ENOX1: variants seen among roughly 807,000 people sequenced by gnomAD.
ENOX1 encodes candidate growth-related and time keeping constitutive hydroquinone (NADH) oxidase.
Under a neutral mutation model 82.5 loss-of-function variants are expected in ENOX1, and 42 were observed. The ratio of observed to expected loss-of-function variants is 0.51; its 90% CI spans 0.40 to 0.66. The LOEUF is 0.66. Ranked by LOEUF, ENOX1 falls within the 30% of genes least tolerant of loss-of-function variation. The pLI, the probability that ENOX1 is intolerant of heterozygous loss-of-function variation, is 0.00. For missense variants in ENOX1, 608 were observed against 811.6 expected, an observed-to-expected ratio of 0.75 and a Z score of 3.05; for synonymous variants, 271 against 282.2, an observed-to-expected ratio of 0.96 and a Z score of 0.40.
intron 12 of ENOX1, among the ~76,000 whole-genome samples, chr13:43,280,128 A>C (rs892554041): frequency 6.6e-6 from 1 of 152,232 alleles, no homozygotes; most frequent in Non-Finnish European, 1.5e-5. Flanking sequence ...AGAAATTTAA[A>C]ATATTAACAT....
chr13:43,298,898 T>A (rs1312907364), intron 11 of ENOX1, among the ~76,000 whole-genome samples: 1 of 152,180 alleles, frequency 6.6e-6, no homozygotes, highest in African/African-American at 2.4e-5. Context: ...CTAAATATTG[T>A]CTTCCCCCTT....
At chr13:43,271,157 T>C (rs1047933470) in intron 12 of ENOX1, among the ~76,000 whole-genome samples, 3 of 152,148 alleles carry the variant, frequency 2.0e-5, no homozygotes, top group Non-Finnish European at 1.5e-5. Context: ...AGATAGGAAG[T>C]TGTCTTCAAA....
At chr13:43,726,294 G>GC (rs1318064851) in intron 1 of ENOX1, among the ~76,000 whole-genome samples, 1 of 147,512 alleles carries the variant, frequency 6.8e-6, no homozygotes, top group African/African-American at 2.5e-5. Flanking sequence ...TTGGCTCACT[G>GC]CAACCTCCGC....
chr13:43,351,519 G>A (rs1323225292), intron 8 of ENOX1, among the ~76,000 whole-genome samples: 1 of 147,006 alleles, frequency 6.8e-6, no homozygotes, highest in Non-Finnish European at 1.5e-5. Context: ...CTGGTGCGCT[G>A]CACCCACTAA....
intron 5 of ENOX1, 150 bp downstream of exon 5, chr13:43,411,766 A>G (rs750428824): frequency 1.0e-6 from 1 of 965,504 alleles, no homozygotes; most frequent in Admixed American, 2.8e-5. Flanking sequence ...GTGATGAGGA[A>G]AAGAATCTCA....
At chr13:43,433,698 G>C (rs2055827387) in intron 3 of ENOX1, among the ~76,000 whole-genome samples, 1 of 152,116 alleles carries the variant, frequency 6.6e-6, no homozygotes. Flanking sequence ...CAACACATTT[G>C]TTCCTTTTTT....
chr13:43,621,633 A>G (rs1415197276), intron 2 of ENOX1, among the ~76,000 whole-genome samples: 1 of 152,168 alleles, frequency 6.6e-6, no homozygotes, highest in Non-Finnish European at 1.5e-5. Flanking sequence ...TGTTAATCTG[A>G]TAGGTTTTCC....
At chr13:43,509,488 A>G (rs1018440990) in intron 2 of ENOX1, among the ~76,000 whole-genome samples, 2 of 152,110 alleles carry the variant, frequency 1.3e-5, no homozygotes, top group African/African-American at 4.8e-5. Context: ...ATCACAGCAC[A>G]GCTCAAATTT....
At chr13:43,542,431 C>CTT (rs775618771) in intron 2 of ENOX1, among the ~76,000 whole-genome samples, 59 of 117,900 alleles carry the variant, frequency 5.0e-4, no homozygotes, top group African/African-American at 1.4e-3. Flanking sequence ...TGTGCCCGGC[C>CTT]TTTTTTTTTT....
intron 1 of ENOX1, among the ~76,000 whole-genome samples, chr13:43,751,549 C>T (rs1950320345): frequency 6.6e-6 from 1 of 152,158 alleles, no homozygotes; most frequent in African/African-American, 2.4e-5. Flanking sequence ...CTCTCTGTCC[C>T]TCATCCCCAG....
At chr13:43,274,188 T>A (rs2044864932) in intron 12 of ENOX1, among the ~76,000 whole-genome samples, 3 of 152,232 alleles carry the variant, frequency 2.0e-5, no homozygotes, top group Admixed American at 2.0e-4. Context: ...TCCTTTTTAA[T>A]CTGAAAAGAA....
intron 16 of ENOX1, among the ~76,000 whole-genome samples, chr13:43,220,412 T>A (rs2041726683): frequency 6.6e-6 from 1 of 152,184 alleles, no homozygotes; most frequent in South Asian, 2.1e-4. Flanking sequence ...TAACTCCTAG[T>A]TCAGAGAGTA....
At chr13:43,333,777 C>G (rs2048545676) in intron 9 of ENOX1, among the ~76,000 whole-genome samples, 1 of 152,220 alleles carries the variant, frequency 6.6e-6, no homozygotes, top group Non-Finnish European at 1.5e-5. Flanking sequence ...TGCGCACCAC[C>G]ACACCCGGCT....
intron 3 of ENOX1, among the ~76,000 whole-genome samples, chr13:43,449,091 C>A (rs1185464344): frequency 3.3e-5 from 5 of 152,212 alleles, no homozygotes; most frequent in African/African-American, 7.2e-5. Flanking sequence ...TGCTGCAGAG[C>A]TCCTTTTATA....
At chr13:43,326,977 C>A (rs1376819910) in intron 9 of ENOX1, among the ~76,000 whole-genome samples, 2 of 152,196 alleles carry the variant, frequency 1.3e-5, no homozygotes, top group Admixed American at 6.5e-5. Flanking sequence ...GTCTTTATCT[C>A]AAGGACTCAA....
intron 1 of ENOX1, among the ~76,000 whole-genome samples, chr13:43,705,261 G>T (rs2087180248): frequency 6.6e-6 from 1 of 150,572 alleles, no homozygotes; most frequent in African/African-American, 2.4e-5. Context: ...ACTCCAGCCT[G>T]AGTGACAGAG....
At chr13:43,549,506 C>A (rs1030214634) in intron 2 of ENOX1, among the ~76,000 whole-genome samples, 1 of 152,208 alleles carries the variant, frequency 6.6e-6, no homozygotes, top group African/African-American at 2.4e-5. Flanking sequence ...ATTTTCAGTT[C>A]ATCTTCTGAC....
intron 1 of ENOX1, among the ~76,000 whole-genome samples, chr13:43,744,200 T>C (rs7317683): frequency 1 from 152,292 of 152,294 alleles, 76,145 homozygotes; most frequent in Non-Finnish European, 1. Context: ...AGGAATGGCA[T>C]TAGTTAATGT....
At chr13:43,773,027 T>C (rs1283496807) in intron 1 of ENOX1, among the ~76,000 whole-genome samples, 2 of 152,306 alleles carry the variant, frequency 1.3e-5, no homozygotes, top group East Asian at 3.9e-4. Flanking sequence ...CCTGGATGAT[T>C]CTACTCTTCT....
Sources: gnomAD v4.1 joint callset for allele counts (sites outside exome capture counted in the v4.1 genomes callset) on GRCh38, gnomAD v4.1.1 for gene constraint, MANE v1.5 for transcripts, NCBI Gene and HGNC (gene_info 2026-07-23, HGNC 2026-07-21) for gene names.